Variants in KDM4C observed in about 807,000 individuals in gnomAD.
The protein encoded by KDM4C is lysine-specific demethylase 4C.
A neutral mutation model predicts 129.3 loss-of-function variants in KDM4C; 81 were observed. The observed-to-expected ratio is 0.63, with a 90% CI of 0.52 to 0.75. The LOEUF is 0.75. Among genes scored for constraint, KDM4C ranks in the 30% least tolerant of loss-of-function variants. KDM4C has a pLI of 0.00. For synonymous variants in KDM4C, 573 were observed against 456.1 expected, an observed-to-expected ratio of 1.26 and a Z score of -3.26; for missense variants, 1,457 against 1,304.0, an observed-to-expected ratio of 1.12 and a Z score of -1.81.
chr9:7,146,264 G>C (rs1288168424), intron 19 of KDM4C, among the ~76,000 whole-genome samples: 1 of 152,132 alleles, frequency 6.6e-6, no homozygotes, highest in Non-Finnish European at 1.5e-5. Context: ...TGTAATCATA[G>C]GTGATTATGA....
chr9:7,145,848 A>T (rs1842170929), intron 19 of KDM4C, among the ~76,000 whole-genome samples: 1 of 152,368 alleles, frequency 6.6e-6, no homozygotes, highest in Non-Finnish European at 1.5e-5. Flanking sequence ...TGGGGCAGGA[A>T]TGAAGGATTT....
At chr9:6,816,775 A>G (rs1294456978) in intron 4 of KDM4C, among the ~76,000 whole-genome samples, 1 of 149,480 alleles carries the variant, frequency 6.7e-6, no homozygotes, top group Non-Finnish European at 1.5e-5. Context: ...TTTTCCCCTT[A>G]TGTTCACTGA....
chr9:6,996,002 G>A (rs1819670778), intron 12 of KDM4C, among the ~76,000 whole-genome samples: 1 of 152,228 alleles, frequency 6.6e-6, no homozygotes, highest in East Asian at 1.9e-4. Context: ...ATATTTAGGG[G>A]GTACAAGTTC....
At chr9:6,943,484 G>C (rs767795533) in intron 8 of KDM4C, among the ~76,000 whole-genome samples, 1 of 152,074 alleles carries the variant, frequency 6.6e-6, no homozygotes, top group Non-Finnish European at 1.5e-5. Flanking sequence ...CTAGTGGGGA[G>C]GATCGCCTGA....
intron 14 of KDM4C, 140 bp downstream of exon 14, chr9:7,014,141 C>A: frequency 1.5e-6 from 1 of 667,852 alleles, no homozygotes; most frequent in Admixed American, 2.8e-5. Flanking sequence ...TTTCATATTT[C>A]TGCTGGTAAA....
chr9:6,814,509 C>T, intron 3 of KDM4C, 122 bp from the exon 4 acceptor site: 1 of 553,964 alleles, frequency 1.8e-6, no homozygotes, highest in Non-Finnish European at 3.2e-6. Flanking sequence ...TTAGAATTGA[C>T]AACATGCAGT....
At chr9:6,757,620 G>C (rs912783224), upstream of KDM4C, 9 of 985,470 alleles carry the variant, frequency 9.1e-6, no homozygotes, top group Non-Finnish European at 1.1e-5. Context: ...ACGCCACGCT[G>C]ACGTCCGCGC....
intron 1 of KDM4C, among the ~76,000 whole-genome samples, chr9:6,777,444 A>C (rs1288081846): frequency 6.6e-6 from 1 of 152,194 alleles, no homozygotes. Flanking sequence ...TCAGCTGGGC[A>C]CATCTCCGGG....
At chr9:7,015,094 C>T (rs1823422297) in intron 14 of KDM4C, among the ~76,000 whole-genome samples, 1 of 152,098 alleles carries the variant, frequency 6.6e-6, no homozygotes, top group Non-Finnish European at 1.5e-5. Context: ...ATTTCATGGA[C>T]ATGGTTAACT....
chr9:6,816,659 C>G (rs1198091880), intron 4 of KDM4C, among the ~76,000 whole-genome samples: 1 of 152,094 alleles, frequency 6.6e-6, no homozygotes, highest in African/African-American at 2.4e-5. Context: ...TTCAAGTTTC[C>G]TTTGCCCCAC....
intron 17 of KDM4C, chr9:7,076,831 C>A (rs1833979171): frequency 9.9e-7 from 1 of 1,008,976 alleles, no homozygotes; most frequent in Non-Finnish European, 1.2e-6. Context: ...CAAAAATTGT[C>A]ATTGGAATCA....
chr9:7,004,959 T>C (rs536497174), intron 12 of KDM4C, among the ~76,000 whole-genome samples: 3 of 152,322 alleles, frequency 2.0e-5, no homozygotes, highest in Admixed American at 2.0e-4. Context: ...TTGCCAGTTC[T>C]ACTGAGTGTC....
intron 5 of KDM4C, among the ~76,000 whole-genome samples, chr9:6,878,344 AAAG>A (rs1361289024): frequency 6.6e-6 from 1 of 152,230 alleles, no homozygotes; most frequent in Non-Finnish European, 1.5e-5. Flanking sequence ...TAGAATTTGA[AAAG>A]AAATTGAGAC....
In KDM4C at chr9:6,940,039, TTCCTTCCC is replaced by T. The variant is rs1375520979; in HGVS notation, c.922-40863_922-40856del. Among the ~76,000 whole-genome samples, 1,138 of 129,512 alleles carry T rather than the reference TTCCTTCCC, an allele frequency of 8.8e-3. 19 individuals carry two copies. Among genetic ancestry groups the T allele is most frequent in the African/African-American group, 0.016 (561 of 35,722 alleles). The allele number at this position is 129,512 out of a possible 152,430, so 85.0% of individuals were successfully genotyped here. A position where few individuals can be genotyped will look rare whatever the true frequency, so the allele number is the denominator to read the frequency against. On this transcript the variant is annotated intron_variant, in intron 8 of 21. Coordinates refer to ENST00000381309, the MANE Select transcript of KDM4C (RefSeq NM_015061.6). ...CTTCCTTCCTTCCTTCCTTCTTTCC[TTCCTTCCC>T]TCCTTCCCTCCTTCCCTCCTTCTCT...
chr9:7,044,429 C>G (rs533327951), intron 15 of KDM4C, among the ~76,000 whole-genome samples: 2 of 151,912 alleles, frequency 1.3e-5, no homozygotes, highest in African/African-American at 4.8e-5. Context: ...CAGAGTAGCT[C>G]TGGGTGGCTA....
chr9:7,112,568 C>G (rs1202158151), intron 18 of KDM4C, among the ~76,000 whole-genome samples: 1 of 152,156 alleles, frequency 6.6e-6, no homozygotes, highest in African/African-American at 2.4e-5. Context: ...TAATTTAGAA[C>G]TGATTATGAG....
chr9:6,835,712 G>A, intron 4 of KDM4C: 1 of 652,504 alleles, frequency 1.5e-6, no homozygotes, highest in Non-Finnish European at 2.8e-6. Context: ...GCTTGACTCA[G>A]GATTTAAAAA....
In KDM4C at chr9:6,767,793, C is replaced by T. The variant is rs545002661; in HGVS notation, c.-18+9590C>T. Among the ~76,000 whole-genome samples the T allele has an allele frequency of 1.2e-4, 19 of 152,206 alleles. No homozygotes were observed. The East Asian group carries it at 3.3e-3, about 26-fold the overall frequency. Reference sequence around the variant, plus strand: ...TCTATTTAACTTTCAAAAAGGAATCCTTCCCTAAAATTTGGGCACATAAAG... The same window carrying T: ...TCTATTTAACTTTCAAAAAGGAATCTTTCCCTAAAATTTGGGCACATAAAG... On this transcript the variant is annotated intron_variant, in intron 1 of 21. Transcript: ENST00000381309.
At chr9:7,026,416 C>T (rs1021183586) in intron 15 of KDM4C, among the ~76,000 whole-genome samples, 4 of 151,950 alleles carry the variant, frequency 2.6e-5, no homozygotes, top group Non-Finnish European at 5.9e-5. Flanking sequence ...TCTCTCCTGG[C>T]CTGTTAGGTT....
Sources: gnomAD v4.1 joint callset for allele counts (sites outside exome capture counted in the v4.1 genomes callset) on GRCh38, gnomAD v4.1.1 for gene constraint, MANE v1.5 for transcripts, NCBI Gene and HGNC (gene_info 2026-07-23, HGNC 2026-07-21) for gene names.